Variants in PCDH7 observed in about 807,000 individuals in gnomAD.
PCDH7 encodes protocadherin 7.
Under a neutral mutation model 58.9 loss-of-function variants are expected in PCDH7, and 17 were observed. The observed-to-expected ratio is 0.29, with a 90% CI of 0.20 to 0.43. The LOEUF (loss-of-function observed/expected upper bound fraction) is 0.43, where lower values mean the gene tolerates loss of function less well. PCDH7 is among the 20% of genes least tolerant of loss of function. The pLI is 1.00. For synonymous variants in PCDH7, 664 were observed against 616.4 expected (o/e 1.08, Z -1.14); for missense variants, 1,274 against 1,441.0 (o/e 0.88, Z 1.88).
At chr4:30,775,944 A>G (rs28363824) in intron 1 of PCDH7, among the ~76,000 whole-genome samples, 1 of 152,106 alleles carries the variant, frequency 6.6e-6, no homozygotes, top group Non-Finnish European at 1.5e-5. Context: ...GAAAGGCCAG[A>G]GGTCTACAAG....
chr4:31,028,430 C>A (rs961459869), intron 3 of PCDH7, among the ~76,000 whole-genome samples: 1 of 151,950 alleles, frequency 6.6e-6, no homozygotes, highest in African/African-American at 2.4e-5. Context: ...GTAGTAGGAC[C>A]TCTTAAGGAC....
intron 1 of PCDH7, among the ~76,000 whole-genome samples, chr4:30,804,898 T>C (rs994512970): frequency 6.6e-6 from 1 of 152,244 alleles, no homozygotes; most frequent in South Asian, 2.1e-4. Flanking sequence ...GTAGTCGTTC[T>C]CTATTAGTCA....
At chr4:30,922,568 A>G (rs1358058484) in intron 2 of PCDH7, among the ~76,000 whole-genome samples, 1 of 152,140 alleles carries the variant, frequency 6.6e-6, no homozygotes, top group Non-Finnish European at 1.5e-5. Flanking sequence ...CACACATGTC[A>G]TGGAAAACTT....
At chr4:30,752,783 CAAAAAA>C (rs35860745) in intron 1 of PCDH7, among the ~76,000 whole-genome samples, 1 of 99,524 alleles carries the variant, frequency 1.0e-5, no homozygotes, top group Non-Finnish European at 2.0e-5. Context: ...CCTGTAGGGG[CAAAAAA>C]AAAAAAAAAA....
chr4:30,827,838 A>G (rs552755165), intron 1 of PCDH7, among the ~76,000 whole-genome samples: 7 of 152,262 alleles, frequency 4.6e-5, no homozygotes, highest in African/African-American at 4.8e-5. Flanking sequence ...CATGTTTAGG[A>G]TCAAGTTGTT....
At chr4:30,967,017 G>C (rs1388004775) in intron 3 of PCDH7, among the ~76,000 whole-genome samples, 1 of 152,024 alleles carries the variant, frequency 6.6e-6, no homozygotes, top group Non-Finnish European at 1.5e-5. Context: ...ATCTTAGCTA[G>C]TTTTAAATTT....
At chr4:30,974,033 G>C (rs182290434) in intron 3 of PCDH7, among the ~76,000 whole-genome samples, 156 of 151,798 alleles carry the variant, frequency 1.0e-3, no homozygotes, top group Non-Finnish European at 1.6e-3. Context: ...TTGTCTTCTA[G>C]CTCAAATCTT....
At chr4:31,132,724 C>T (rs1281251145) in intron 3 of PCDH7, among the ~76,000 whole-genome samples, 3 of 152,138 alleles carry the variant, frequency 2.0e-5, no homozygotes, top group African/African-American at 7.2e-5. Context: ...GCCCCATTTG[C>T]ATCATTATTG....
chr4:30,738,041 T>A (rs1318067869), intron 1 of PCDH7, among the ~76,000 whole-genome samples: 1 of 152,186 alleles, frequency 6.6e-6, no homozygotes, highest in African/African-American at 2.4e-5. Flanking sequence ...TGACTCTTCC[T>A]CTGTGCCTGA....
At chr4:30,756,579 T>G (rs2109264141) in intron 1 of PCDH7, among the ~76,000 whole-genome samples, 1 of 152,332 alleles carries the variant, frequency 6.6e-6, no homozygotes, top group Non-Finnish European at 1.5e-5. Flanking sequence ...TCTTTCATGT[T>G]TCTGTGCATG....
intron 3 of PCDH7, among the ~76,000 whole-genome samples, chr4:31,040,686 T>A (rs750782162): frequency 1.4e-4 from 22 of 152,160 alleles, no homozygotes; most frequent in Admixed American, 8.5e-4. Flanking sequence ...CCTTTACTCA[T>A]CACATGTTAA....
chr4:30,994,600 T>G (rs1324043890), intron 3 of PCDH7, among the ~76,000 whole-genome samples: 1 of 152,204 alleles, frequency 6.6e-6, no homozygotes, highest in Non-Finnish European at 1.5e-5. Context: ...TACTTCAAAC[T>G]TCTACTTAGT....
intron 3 of PCDH7, among the ~76,000 whole-genome samples, chr4:31,099,048 G>A (rs1025216850): frequency 1.3e-5 from 2 of 152,052 alleles, no homozygotes; most frequent in South Asian, 4.1e-4. Context: ...CTCCTTAAAG[G>A]CCTTATCTCC....
In PCDH7 at chr4:30,776,921, G is replaced by C. The variant is rs143482785; in HGVS notation, c.70+52325G>C. Reference sequence around the variant, plus strand: ...AGAGAGTTTCAGTTAAGAACTTAAGGTTAGCTAGATACTAATTTTTATGGA... The same window carrying C: ...AGAGAGTTTCAGTTAAGAACTTAAGCTTAGCTAGATACTAATTTTTATGGA... On this transcript the variant is annotated intron_variant, in intron 1 of 3. Coordinates refer to the PCDH7 transcript ENST00000509759. Among the ~76,000 whole-genome samples, 4 of 151,496 alleles carry C rather than the reference G, an allele frequency of 2.6e-5. No individual in the cohort carries two copies. The East Asian group carries it at 7.8e-4, about 29-fold the overall frequency.
chr4:31,011,983 TA>T (rs1156490189), intron 3 of PCDH7, among the ~76,000 whole-genome samples: 3 of 152,104 alleles, frequency 2.0e-5, no homozygotes, highest in African/African-American at 7.2e-5. Context: ...AAGCATTTGC[TA>T]AAAAATTACA....
chr4:30,917,826 C>A (rs1742673750), intron 1 of PCDH7, among the ~76,000 whole-genome samples: 2 of 152,042 alleles, frequency 1.3e-5, no homozygotes, highest in African/African-American at 2.4e-5. Flanking sequence ...GCTAGCCTAT[C>A]CACTTTTTGT....
intron 1 of PCDH7, among the ~76,000 whole-genome samples, chr4:30,904,692 C>G (rs1199254231): frequency 6.6e-6 from 1 of 152,090 alleles, no homozygotes. Flanking sequence ...ATATGCTCGG[C>G]GTTGAATATA....
At chr4:30,737,695 T>A (rs538197427), downstream of PCDH7, among the ~76,000 whole-genome samples, 9 of 152,180 alleles carry the variant, frequency 5.9e-5, no homozygotes, top group Non-Finnish European at 1.0e-4. Context: ...GCACTGGGTA[T>A]TGTGAGAATG....
chr4:31,124,677 C>T (rs1312318348), intron 3 of PCDH7, among the ~76,000 whole-genome samples: 1 of 151,976 alleles, frequency 6.6e-6, no homozygotes, highest in Non-Finnish European at 1.5e-5. Flanking sequence ...AGATATTATC[C>T]AATTACTTGA....
Sources: gnomAD v4.1 joint callset for allele counts (sites outside exome capture counted in the v4.1 genomes callset) on GRCh38, gnomAD v4.1.1 for gene constraint, MANE v1.5 for transcripts, NCBI Gene and HGNC (gene_info 2026-07-23, HGNC 2026-07-21) for gene names.